Variants in CREB5 observed in about 807,000 individuals in gnomAD.
The protein encoded by CREB5 is cyclic AMP-responsive element-binding protein 5.
In CREB5, 19 loss-of-function variants were observed where a neutral mutation model predicts 57.1. That is an observed-to-expected ratio of 0.33 (90% CI 0.23 to 0.49). CREB5 has a LOEUF of 0.49. CREB5 is among the 20% of genes least tolerant of loss of function. CREB5 has a pLI of 0.99. For synonymous variants in CREB5, 238 were observed against 238.3 expected (o/e 1.00, Z 0.01); for missense variants, 579 against 671.6 (o/e 0.86, Z 1.52).
At chr7:28,557,614 C>G (rs563186037) in intron 4 of CREB5, among the ~76,000 whole-genome samples, 1 of 151,996 alleles carries the variant, frequency 6.6e-6, no homozygotes, top group Non-Finnish European at 1.5e-5. Context: ...TTCAAGGAGG[C>G]AGAGCTGTAA....
chr7:28,710,520 G>A (rs997174159), intron 5 of CREB5, among the ~76,000 whole-genome samples: 3 of 152,112 alleles, frequency 2.0e-5, no homozygotes, highest in Admixed American at 6.6e-5. Flanking sequence ...AGATGCTATG[G>A]TGAGTGCCTG....
intron 4 of CREB5, among the ~76,000 whole-genome samples, chr7:28,535,742 G>T (rs773476143): frequency 3.3e-5 from 5 of 152,098 alleles, no homozygotes; most frequent in Non-Finnish European, 7.4e-5. Flanking sequence ...AGGGAGAAAA[G>T]AATACTATTG....
At chr7:28,560,923 CGCGT>C (rs1293937384) in intron 4 of CREB5, among the ~76,000 whole-genome samples, 1 of 19,816 alleles carries the variant, frequency 5.0e-5, no homozygotes, top group African/African-American at 1.8e-4. Flanking sequence ...TGCGTGTGTG[CGCGT>C]GCGTGTGTGC....
At chr7:28,396,829 G>C (rs909787657) in intron 1 of CREB5, among the ~76,000 whole-genome samples, 2 of 152,106 alleles carry the variant, frequency 1.3e-5, no homozygotes, top group Admixed American at 1.3e-4. Context: ...CTCTGGCCCT[G>C]TCTTGTCTTA....
At chr7:28,675,421 G>A (rs747102140) in intron 5 of CREB5, among the ~76,000 whole-genome samples, 1 of 152,054 alleles carries the variant, frequency 6.6e-6, no homozygotes, top group Non-Finnish European at 1.5e-5. Context: ...TTATGACTTT[G>A]GTTTTCCCTG....
chr7:28,675,229 C>T (rs1424466543), intron 5 of CREB5, among the ~76,000 whole-genome samples: 1 of 152,178 alleles, frequency 6.6e-6, no homozygotes, highest in East Asian at 1.9e-4. Flanking sequence ...AGAGTATTTG[C>T]TGTTTACGTG....
intron 5 of CREB5, among the ~76,000 whole-genome samples, chr7:28,715,657 CT>C: frequency 6.6e-6 from 1 of 152,182 alleles, no homozygotes; most frequent in Admixed American, 6.5e-5. Flanking sequence ...ATTTAATTTA[CT>C]TTTTTCAGTT....
chr7:28,512,389 G>T (rs1482278439), intron 4 of CREB5, among the ~76,000 whole-genome samples: 1 of 152,122 alleles, frequency 6.6e-6, no homozygotes. Flanking sequence ...TCCCCTCCGT[G>T]GTCAGAGACG....
intron 2 of CREB5, among the ~76,000 whole-genome samples, chr7:28,493,611 C>G (rs1791897579): frequency 6.6e-6 from 1 of 152,244 alleles, no homozygotes; most frequent in Admixed American, 6.5e-5. Flanking sequence ...GTGTCTTACA[C>G]CAGGAATTAG....
chr7:28,457,384 T>G (rs1346449628), intron 1 of CREB5, among the ~76,000 whole-genome samples: 1 of 152,104 alleles, frequency 6.6e-6, no homozygotes, highest in East Asian at 1.9e-4. Flanking sequence ...GTGACTGAAA[T>G]AAGCAGAGGG....
At chr7:28,526,342 G>C (rs1793448483) in intron 4 of CREB5, among the ~76,000 whole-genome samples, 1 of 86,516 alleles carries the variant, frequency 1.2e-5, no homozygotes. Context: ...TAGGTAGGCT[G>C]ACTTCCAGGT....
intron 4 of CREB5, among the ~76,000 whole-genome samples, chr7:28,551,706 AG>A (rs1794649804): frequency 2.0e-5 from 3 of 152,106 alleles, no homozygotes; most frequent in Admixed American, 6.5e-5. Context: ...GGAGGGGACA[AG>A]GGAGGAGAAC....
intron 5 of CREB5, among the ~76,000 whole-genome samples, chr7:28,628,691 A>G (rs1361629700): frequency 2.0e-5 from 3 of 152,188 alleles, no homozygotes; most frequent in Non-Finnish European, 4.4e-5. Context: ...CCAAGGTGCT[A>G]GAGACAATAT....
intron 1 of CREB5, among the ~76,000 whole-genome samples, chr7:28,341,784 C>T (rs1186428837): frequency 6.6e-6 from 1 of 152,204 alleles, no homozygotes; most frequent in Non-Finnish European, 1.5e-5. Context: ...TGCCCTTGCT[C>T]ATTTATCACT....
At chr7:28,517,061 G>A (rs1395674459) in intron 4 of CREB5, among the ~76,000 whole-genome samples, 1 of 152,180 alleles carries the variant, frequency 6.6e-6, no homozygotes, top group East Asian at 1.9e-4. Flanking sequence ...CAGATTAAAA[G>A]TAAATGACTA....
At chr7:28,504,234 G>C (rs1285269610) in intron 3 of CREB5, among the ~76,000 whole-genome samples, 1 of 152,186 alleles carries the variant, frequency 6.6e-6, no homozygotes, top group African/African-American at 2.4e-5. Context: ...CGAATGCCTT[G>C]TCAAATAACT....
chr7:28,813,045 G>T (rs920418644), intron 9 of CREB5, among the ~76,000 whole-genome samples: 1 of 152,092 alleles, frequency 6.6e-6, no homozygotes, highest in African/African-American at 2.4e-5. Context: ...CTGCCCAAGA[G>T]GTCAAAAAAG....
intron 2 of CREB5, among the ~76,000 whole-genome samples, chr7:28,493,254 A>C (rs75220659): frequency 0.012 from 1,882 of 152,342 alleles, 16 homozygotes; most frequent in Admixed American, 0.016. Flanking sequence ...AAGATTTGGA[A>C]ATGTTCAGCA....
chr7:28,788,101 G>A (rs1024335517), intron 7 of CREB5, among the ~76,000 whole-genome samples: 12 of 152,116 alleles, frequency 7.9e-5, no homozygotes, highest in African/African-American at 2.9e-4. Flanking sequence ...GTCAGGTTAA[G>A]GCAAGGTTTC....
Sources: allele counts gnomAD v4.1 joint callset (sites outside exome capture counted in the v4.1 genomes callset), GRCh38; gene constraint gnomAD v4.1.1; transcripts MANE v1.5; gene names NCBI Gene and HGNC (gene_info 2026-07-23, HGNC 2026-07-21).